C1QTNF7: variants seen among roughly 807,000 people sequenced by gnomAD.
C1QTNF7 encodes complement C1q tumor necrosis factor-related protein 7.
C1QTNF7 carries 15 observed loss-of-function variants against 19.6 expected under a neutral mutation model. That is an observed-to-expected ratio of 0.76 (90% CI 0.51 to 1.18). The LOEUF is 1.18. Among genes scored for constraint, C1QTNF7 ranks in the 50% most tolerant of loss-of-function variants. The probability of loss-of-function intolerance (pLI) is 0.00; values close to 1 mark genes in which losing one functional copy is unlikely to be tolerated. For synonymous variants in C1QTNF7, 142 were observed against 137.5 expected, an observed-to-expected ratio of 1.03 and a Z score of -0.23; for missense variants, 324 against 359.7, an observed-to-expected ratio of 0.90 and a Z score of 0.80.
chr4:15,426,265 A>G (rs1165634418), upstream of C1QTNF7, among the ~76,000 whole-genome samples: 1 of 152,192 alleles, frequency 6.6e-6, no homozygotes, highest in Non-Finnish European at 1.5e-5. Flanking sequence ...CTGAGCCAAT[A>G]CTTCCTTAAG....
At chr4:15,358,069 C>A (rs1203506261) in intron 1 of C1QTNF7, 1 of 152,104 alleles carries the variant, frequency 6.6e-6, no homozygotes, top group Non-Finnish European at 1.5e-5. Context: ...ATTTGAATAC[C>A]TTTATTTCTT....
chr4:15,341,589 T>C (rs1268768843), intron 1 of C1QTNF7, among the ~76,000 whole-genome samples: 1 of 152,146 alleles, frequency 6.6e-6, no homozygotes, highest in Non-Finnish European at 1.5e-5. Flanking sequence ...TCCTTATCCT[T>C]CTCTTTCCCA....
chr4:15,379,551 G>A (rs552282810), intron 1 of C1QTNF7, among the ~76,000 whole-genome samples: 23 of 152,286 alleles, frequency 1.5e-4, no homozygotes, highest in Admixed American at 3.9e-4. Flanking sequence ...CAGCAAAGCC[G>A]CAAGTCAACC....
intron 1 of C1QTNF7, among the ~76,000 whole-genome samples, chr4:15,433,452 C>T (rs1447455036): frequency 6.6e-6 from 1 of 152,068 alleles, no homozygotes; most frequent in Non-Finnish European, 1.5e-5. Flanking sequence ...CGTTCCCTCC[C>T]AGGATATGTA....
chr4:15,342,027 T>G (rs573959839), intron 1 of C1QTNF7, among the ~76,000 whole-genome samples: 1 of 152,260 alleles, frequency 6.6e-6, no homozygotes, highest in East Asian at 1.9e-4. Context: ...AAAAGGCTAT[T>G]AGGGTTGCTA....
chr4:15,357,446 A>G (rs550086873), intron 1 of C1QTNF7, among the ~76,000 whole-genome samples: 183 of 152,110 alleles, frequency 1.2e-3, no homozygotes, highest in African/African-American at 4.2e-3. Context: ...GTTCTGTTCC[A>G]TTGGTCTATA....
At chr4:15,393,163 T>G (rs1171780888) in intron 1 of C1QTNF7, among the ~76,000 whole-genome samples, 5 of 150,750 alleles carry the variant, frequency 3.3e-5, no homozygotes, top group Non-Finnish European at 7.3e-5. Flanking sequence ...TTTTCTGTCT[T>G]GTCTGCCGCC....
intron 1 of C1QTNF7, among the ~76,000 whole-genome samples, chr4:15,398,258 G>T (rs568141704): frequency 6.6e-6 from 1 of 152,214 alleles, no homozygotes; most frequent in Non-Finnish European, 1.5e-5. Flanking sequence ...AATTTTAAAA[G>T]CACCTGGGGT....
At chr4:15,398,985 G>C (rs949402590) in intron 1 of C1QTNF7, among the ~76,000 whole-genome samples, 7 of 152,136 alleles carry the variant, frequency 4.6e-5, no homozygotes, top group Non-Finnish European at 5.9e-5. Flanking sequence ...CCTGTTAGTG[G>C]TTGGGAGGTG....
Position 15,416,074 on chromosome 4 carries a change from G to C in C1QTNF7, c.14-19662G>C, listed in dbSNP as rs115937489. On this transcript the variant is annotated intron_variant, in intron 1 of 2. Coordinates refer to the C1QTNF7 transcript ENST00000295297. The stretch of plus-strand genomic sequence containing the variant: ...AAGGGTGAAAGTGTTGGGGAAAAAG[G>C]GTTTGCACGATTTTCAGACTCTATG... Among the ~76,000 whole-genome samples the C allele has an allele frequency of 2.8e-3, 431 of 152,114 alleles. 2 individuals carry two copies. The highest frequency in any genetic ancestry group is 0.01 in the African/African-American group (418 of 41,488).
intron 1 of C1QTNF7, among the ~76,000 whole-genome samples, chr4:15,403,062 C>T (rs1434384814): frequency 6.6e-6 from 1 of 151,818 alleles, no homozygotes. Context: ...CACAATCTCC[C>T]CCAAATAATC....
intron 1 of C1QTNF7, among the ~76,000 whole-genome samples, chr4:15,343,803 C>G (rs1239881826): frequency 6.6e-6 from 1 of 152,150 alleles, no homozygotes; most frequent in Non-Finnish European, 1.5e-5. Context: ...AGAATTGTGC[C>G]GACTACAATA....
At chr4:15,405,311 A>T (rs980661224) in intron 1 of C1QTNF7, among the ~76,000 whole-genome samples, 2 of 152,126 alleles carry the variant, frequency 1.3e-5, no homozygotes, top group Non-Finnish European at 2.9e-5. Flanking sequence ...GGACACAGGG[A>T]TGTGCTGATT....
At chr4:15,345,953 C>T (rs922671974) in intron 1 of C1QTNF7, among the ~76,000 whole-genome samples, 3 of 152,154 alleles carry the variant, frequency 2.0e-5, no homozygotes, top group Non-Finnish European at 4.4e-5. Flanking sequence ...TAATGCCTGC[C>T]TTTAAAACCT....
At chr4:15,441,774 C>A (rs940606829) in intron 2 of C1QTNF7, among the ~76,000 whole-genome samples, 8 of 152,280 alleles carry the variant, frequency 5.3e-5, no homozygotes, top group African/African-American at 1.4e-4. Context: ...ATAATCCCAG[C>A]ACTTTGGGAG....
chr4:15,442,509 T>G lies in C1QTNF7; in HGVS notation c.580T>G (p.Tyr194Asp). The G allele has an allele frequency of 6.2e-7, 1 of 1,614,244 alleles. No individual in the cohort carries two copies. The highest frequency in any genetic ancestry group is 8.5e-7 in the Non-Finnish European group (1 of 1,180,040). ...KFICAFPGIY[Y>D]FSYDITLANK... ...CATCTGTGCTTTCCCAGGGATCTAT[T>G]ACTTTTCTTATGATATCACATTGGC... The change falls in exon 3 of 3, where the codon TAC becomes GAC. Residue 194 changes from tyrosine (Y) to aspartate (D), a missense_variant. Physicochemically the swap from Tyr to Asp is radical, Grantham distance 160. Transcript: ENST00000444304.
rs190920192 is a variant in C1QTNF7 at position 15,367,928 on chromosome 4, A to G, written c.13+27721A>G. ...AAAAGGCATCCATTTATAGTGCACAATTCAATTTATTTAAAGTGTTCAATT... is the reference window on the plus strand; with the variant it reads ...AAAAGGCATCCATTTATAGTGCACAGTTCAATTTATTTAAAGTGTTCAATT... On this transcript the variant is annotated intron_variant, in intron 1 of 2. Transcript: ENST00000295297. Among the ~76,000 whole-genome samples, 176 of 152,294 alleles carry G rather than the reference A, an allele frequency of 1.2e-3. 1 individual carries two copies. The highest frequency in any genetic ancestry group is 6.2e-3 in the Admixed American group (95 of 15,296).
chr4:15,365,228 T>C (rs745399975), intron 1 of C1QTNF7, among the ~76,000 whole-genome samples: 13 of 152,042 alleles, frequency 8.6e-5, no homozygotes, highest in Non-Finnish European at 1.9e-4. Context: ...AAGGGAAAGC[T>C]CTTAAGAGAT....
chr4:15,355,692 G>T (rs1412440155), intron 1 of C1QTNF7, among the ~76,000 whole-genome samples: 2 of 152,194 alleles, frequency 1.3e-5, no homozygotes, highest in Non-Finnish European at 2.9e-5. Context: ...GCTGAAGCTT[G>T]AGAGGAAAGT....
Sources: gnomAD v4.1 joint callset for allele counts (sites outside exome capture counted in the v4.1 genomes callset) on GRCh38, gnomAD v4.1.1 for gene constraint, MANE v1.5 for transcripts, NCBI Gene and HGNC (gene_info 2026-07-23, HGNC 2026-07-21) for gene names.